Variants in TAFA1 observed in about 807,000 individuals in gnomAD.
TAFA1 encodes chemokine-like protein TAFA-1.
In TAFA1, 4 loss-of-function variants were observed where a neutral mutation model predicts 18.5. That is an observed-to-expected ratio of 0.22 (90% CI 0.11 to 0.49). The LOEUF (loss-of-function observed/expected upper bound fraction) is 0.49, where lower values mean the gene tolerates loss of function less well. Among genes scored for constraint, TAFA1 ranks in the 20% least tolerant of loss-of-function variants. TAFA1 has a pLI of 0.98. For missense variants in TAFA1, 147 were observed against 169.0 expected, an observed-to-expected ratio of 0.87 and a Z score of 0.72; for synonymous variants, 56 against 55.2, an observed-to-expected ratio of 1.01 and a Z score of -0.06.
At chr3:68,188,532 GA>G in intron 2 of TAFA1, among the ~76,000 whole-genome samples, 1 of 149,160 alleles carries the variant, frequency 6.7e-6, no homozygotes, top group East Asian at 2.0e-4. Context: ...TAGAGAGAGA[GA>G]GAGAGAGAGT....
intron 2 of TAFA1, among the ~76,000 whole-genome samples, chr3:68,370,476 A>G (rs549409961): frequency 0.014 from 247 of 17,740 alleles, 1 homozygote; most frequent in African/African-American, 0.064. Context: ...GTGTGTGTAT[A>G]TATATATATA....
intron 2 of TAFA1, among the ~76,000 whole-genome samples, chr3:68,376,459 A>C (rs775360426): frequency 4.0e-5 from 6 of 151,756 alleles, no homozygotes; most frequent in Non-Finnish European, 7.4e-5. Context: ...CATTGTGTCC[A>C]TGTGTTCTCA....
At chr3:68,250,918 T>G (rs551892746) in intron 2 of TAFA1, 1 of 152,278 alleles carries the variant, frequency 6.6e-6, no homozygotes, top group Non-Finnish European at 1.5e-5. Context: ...TATGGTAATG[T>G]AATAGTAATT....
intron 2 of TAFA1, among the ~76,000 whole-genome samples, chr3:68,079,947 T>C (rs1215829551): frequency 2.0e-5 from 3 of 151,956 alleles, no homozygotes; most frequent in African/African-American, 7.3e-5. Context: ...TGTGGGAGTC[T>C]AAGTCTCTTT....
intron 2 of TAFA1, among the ~76,000 whole-genome samples, chr3:68,029,651 G>A (rs902385194): frequency 4.6e-5 from 7 of 152,288 alleles, no homozygotes; most frequent in Non-Finnish European, 1.0e-4. Context: ...CAAACGTAAA[G>A]CCCACTTCAA....
At chr3:68,316,607 T>C (rs1313990449) in intron 2 of TAFA1, among the ~76,000 whole-genome samples, 1 of 152,192 alleles carries the variant, frequency 6.6e-6, no homozygotes, top group Non-Finnish European at 1.5e-5. Context: ...CTTTTAGTTT[T>C]TATGAGCTGG....
intron 2 of TAFA1, among the ~76,000 whole-genome samples, chr3:68,332,093 G>A (rs1041006142): frequency 6.6e-6 from 1 of 151,674 alleles, no homozygotes; most frequent in African/African-American, 2.4e-5. Flanking sequence ...TCGATCTCCT[G>A]ACCTCGTGAT....
chr3:68,054,624 A>C (rs2064511453), intron 2 of TAFA1, among the ~76,000 whole-genome samples: 1 of 152,214 alleles, frequency 6.6e-6, no homozygotes, highest in Non-Finnish European at 1.5e-5. Flanking sequence ...ACACTCATTC[A>C]TTACATATTG....
At chr3:68,146,776 T>C (rs137888753) in intron 2 of TAFA1, among the ~76,000 whole-genome samples, 35 of 152,276 alleles carry the variant, frequency 2.3e-4, no homozygotes, top group Non-Finnish European at 4.6e-4. Context: ...GCATAGGAAA[T>C]TCTAACAGAA....
chr3:68,128,085 A>G (rs2065492539), intron 2 of TAFA1, among the ~76,000 whole-genome samples: 1 of 151,902 alleles, frequency 6.6e-6, no homozygotes, highest in Non-Finnish European at 1.5e-5. Flanking sequence ...GGTAGGTATC[A>G]TTATTATCAT....
intron 2 of TAFA1, among the ~76,000 whole-genome samples, chr3:68,267,008 A>G (rs2067560638): frequency 6.6e-6 from 1 of 152,258 alleles, no homozygotes; most frequent in South Asian, 2.1e-4. Flanking sequence ...GGTGCCAATA[A>G]AAACAGATTT....
intron 2 of TAFA1, among the ~76,000 whole-genome samples, chr3:68,318,612 A>C (rs2068644792): frequency 6.6e-6 from 1 of 152,156 alleles, no homozygotes; most frequent in Non-Finnish European, 1.5e-5. Flanking sequence ...ATTTCTTGTT[A>C]TGTTTTTCTT....
chr3:68,258,861 G>C (rs1024934099), intron 2 of TAFA1, among the ~76,000 whole-genome samples: 1 of 152,134 alleles, frequency 6.6e-6, no homozygotes, highest in Non-Finnish European at 1.5e-5. Flanking sequence ...TGCATCTTCT[G>C]TCAGAAACAG....
At chr3:68,299,657 C>T (rs771094320) in intron 2 of TAFA1, among the ~76,000 whole-genome samples, 1 of 152,186 alleles carries the variant, frequency 6.6e-6, no homozygotes, top group South Asian at 2.1e-4. Context: ...GTGGTCTTCA[C>T]GGAAGTCCCT....
intron 2 of TAFA1, among the ~76,000 whole-genome samples, chr3:68,245,472 T>C (rs920624760): frequency 6.6e-6 from 1 of 152,214 alleles, no homozygotes; most frequent in Non-Finnish European, 1.5e-5. Context: ...TCAATTTACA[T>C]ATATTTCTAC....
chr3:68,186,140 C>T (rs2066267538), intron 2 of TAFA1, among the ~76,000 whole-genome samples: 1 of 151,966 alleles, frequency 6.6e-6, no homozygotes, highest in South Asian at 2.1e-4. Context: ...ATGTTTATTG[C>T]CTTAGCTCCC....
intron 2 of TAFA1, among the ~76,000 whole-genome samples, chr3:68,092,104 A>G (rs1274063324): frequency 2.0e-5 from 3 of 152,028 alleles, no homozygotes. Flanking sequence ...CTAATACCCA[A>G]CTCACCTCAG....
At chr3:68,371,036 C>G (rs2069696633) in intron 2 of TAFA1, among the ~76,000 whole-genome samples, 2 of 151,928 alleles carry the variant, frequency 1.3e-5, no homozygotes, top group Admixed American at 1.3e-4. Flanking sequence ...ACAGGCCAAG[C>G]AAGTCAGAAA....
chr3:68,420,922 T>C (rs2070944608), intron 3 of TAFA1, among the ~76,000 whole-genome samples: 1 of 152,200 alleles, frequency 6.6e-6, no homozygotes, highest in Non-Finnish European at 1.5e-5. Context: ...GAAGAAACTC[T>C]TGGCCCTAGA....
Sources: gnomAD v4.1 joint callset for allele counts (sites outside exome capture counted in the v4.1 genomes callset) on GRCh38, gnomAD v4.1.1 for gene constraint, MANE v1.5 for transcripts, NCBI Gene and HGNC (gene_info 2026-07-23, HGNC 2026-07-21) for gene names.